SLC4A4: variants seen among roughly 807,000 people sequenced by gnomAD.
The protein encoded by SLC4A4 is solute carrier family 4 member 4, also known as electrogenic sodium bicarbonate cotransporter 1.
A neutral mutation model predicts 111.5 loss-of-function variants in SLC4A4; 27 were observed. The ratio of observed to expected loss-of-function variants is 0.24; its 90% CI spans 0.18 to 0.33. SLC4A4 has a LOEUF of 0.33. Among genes scored for constraint, SLC4A4 ranks in the 10% least tolerant of loss-of-function variants. The pLI, the probability that SLC4A4 is intolerant of heterozygous loss-of-function variation, is 1.00. For synonymous variants in SLC4A4, 443 were observed against 463.4 expected (o/e 0.96, Z 0.57); for missense variants, 909 against 1,315.5 (o/e 0.69, Z 4.78).
chr4:71,138,536 T>A (rs1284303426), intron 2 of SLC4A4, among the ~76,000 whole-genome samples: 1 of 152,224 alleles, frequency 6.6e-6, no homozygotes, highest in East Asian at 1.9e-4. Context: ...CATATTATCT[T>A]CAAGGATCTG....
At chr4:71,195,173 C>G (rs1400066144) in intron 1 of SLC4A4, among the ~76,000 whole-genome samples, 2 of 144,930 alleles carry the variant, frequency 1.4e-5, no homozygotes, top group African/African-American at 5.1e-5. Flanking sequence ...ATATAGAAAT[C>G]TAGTTAGATT....
At chr4:71,500,227 T>C (rs2149156083) in intron 16 of SLC4A4, among the ~76,000 whole-genome samples, 1 of 152,328 alleles carries the variant, frequency 6.6e-6, no homozygotes, top group South Asian at 2.1e-4. Flanking sequence ...TGTTTCTTCT[T>C]TTGCAAAACA....
At chr4:71,266,125 C>G (rs1326106381) in intron 3 of SLC4A4, among the ~76,000 whole-genome samples, 17 of 152,166 alleles carry the variant, frequency 1.1e-4, no homozygotes, top group Admixed American at 1.1e-3. Context: ...CAAGGCTGTC[C>G]TCTTGGTAGT....
At chr4:71,390,887 G>A (rs1560466021) in intron 6 of SLC4A4, among the ~76,000 whole-genome samples, 1 of 151,992 alleles carries the variant, frequency 6.6e-6, no homozygotes, top group East Asian at 1.9e-4. Flanking sequence ...AAGTTCATTT[G>A]TTTATTATCA....
Position 71,093,338 on chromosome 4 carries a change from T to C in SLC4A4, c.-2+546T>C, listed in dbSNP as rs562344707. On this transcript the variant is annotated intron_variant, in intron 2 of 26. Coordinates refer to the SLC4A4 transcript ENST00000649996. Reference sequence around the variant, plus strand: ...ATGCACCACCATTCCCAGCTAATTTTTGTATTTTCAGTAGAGACAGGGTTT... The same window carrying C: ...ATGCACCACCATTCCCAGCTAATTTCTGTATTTTCAGTAGAGACAGGGTTT... Among the ~76,000 whole-genome samples, 3 of 151,944 alleles carry C rather than the reference T, an allele frequency of 2.0e-5. No individual in the cohort carries two copies. The South Asian group carries it at 6.3e-4, about 32-fold the overall frequency.
At chr4:71,255,532 A>G in intron 3 of SLC4A4, 133 bp downstream of exon 3, 1 of 989,124 alleles carries the variant, frequency 1.0e-6, no homozygotes, top group Non-Finnish European at 1.6e-6. Context: ...GTTCTAAAGG[A>G]TAATGTCTGT....
chr4:71,521,472 A>G (rs1732928140), intron 16 of SLC4A4, among the ~76,000 whole-genome samples: 1 of 152,132 alleles, frequency 6.6e-6, no homozygotes, highest in South Asian at 2.1e-4. Context: ...AGGTTCAAAC[A>G]GTCGTCCTGC....
intron 16 of SLC4A4, among the ~76,000 whole-genome samples, chr4:71,504,910 T>G (rs925085284): frequency 7.2e-5 from 11 of 151,982 alleles, no homozygotes; most frequent in African/African-American, 2.7e-4. Flanking sequence ...CCCCAGAGTG[T>G]GTTGTTTTTC....
chr4:71,345,045 G>T (rs886583531), intron 4 of SLC4A4, among the ~76,000 whole-genome samples: 1 of 152,048 alleles, frequency 6.6e-6, no homozygotes, highest in African/African-American at 2.4e-5. Context: ...TCCCTTTTAC[G>T]TCCTTTACCT....
At chr4:71,111,524 G>GTTTTTTTTTTTTT (rs150777420) in intron 2 of SLC4A4, among the ~76,000 whole-genome samples, 2 of 60,782 alleles carry the variant, frequency 3.3e-5, no homozygotes, top group Admixed American at 2.8e-4. Context: ...CCACGCTCAG[G>GTTTTTTTTTTTTT]TTTTTTTTTT....
At chr4:71,100,586 G>T (rs1033309672) in intron 2 of SLC4A4, among the ~76,000 whole-genome samples, 3 of 152,244 alleles carry the variant, frequency 2.0e-5, no homozygotes, top group African/African-American at 7.2e-5. Flanking sequence ...AGTATTGTAA[G>T]GTCTGCCCAG....
At chr4:71,552,653 G>T (rs1736115725) in intron 20 of SLC4A4, among the ~76,000 whole-genome samples, 1 of 151,548 alleles carries the variant, frequency 6.6e-6, no homozygotes, top group South Asian at 2.1e-4. Context: ...TGCTTGTAGG[G>T]TCAATACTTG....
intron 2 of SLC4A4, among the ~76,000 whole-genome samples, chr4:71,095,706 C>T (rs1322085174): frequency 6.6e-6 from 1 of 152,088 alleles, no homozygotes; most frequent in Non-Finnish European, 1.5e-5. Flanking sequence ...GGTATGGCTC[C>T]TACTGTCATA....
At position 71,392,835 on chromosome 4, in the gene SLC4A4, A is replaced by G. The variant is rs1719439747; in HGVS notation, c.731-4742A>G. ...TCCACCATGATCAAGTGGGTTTCAT[A>G]CCAGGGATGCAGGGATGGTTTAACA... On this transcript the variant is annotated intron_variant, in intron 6 of 25. Coordinates refer to ENST00000264485, the MANE Select transcript of SLC4A4 (RefSeq NM_001098484.3). 2.0e-5 allele frequency among the ~76,000 whole-genome samples: 3 copies of G among 152,234 alleles called. No homozygotes were observed. The South Asian group carries it at 6.2e-4, about 32-fold the overall frequency.
intron 2 of SLC4A4, among the ~76,000 whole-genome samples, chr4:71,170,602 C>A (rs1199304648): frequency 2.6e-5 from 4 of 152,120 alleles, no homozygotes; most frequent in Non-Finnish European, 5.9e-5. Context: ...TTTATTCATT[C>A]AGCTTTTAGT....
At chr4:71,526,543 A>T (rs1408638178) in intron 16 of SLC4A4, among the ~76,000 whole-genome samples, 1 of 152,138 alleles carries the variant, frequency 6.6e-6, no homozygotes, top group Admixed American at 6.6e-5. Flanking sequence ...GCCATCACGT[A>T]TATACATATG....
intron 11 of SLC4A4, among the ~76,000 whole-genome samples, chr4:71,452,238 G>A (rs1249463124): frequency 6.6e-6 from 1 of 151,982 alleles, no homozygotes; most frequent in African/African-American, 2.4e-5. Context: ...CCTTTATTCT[G>A]AAAGGATAGA....
intron 1 of SLC4A4, among the ~76,000 whole-genome samples, chr4:71,199,364 G>A (rs1746147788): frequency 6.6e-6 from 1 of 152,186 alleles, no homozygotes; most frequent in African/African-American, 2.4e-5. Flanking sequence ...ACATGAAATT[G>A]GATGTTATTT....
At chr4:71,136,765 T>G (rs1662181804) in intron 2 of SLC4A4, among the ~76,000 whole-genome samples, 1 of 152,184 alleles carries the variant, frequency 6.6e-6, no homozygotes, top group Non-Finnish European at 1.5e-5. Context: ...CTAAATGAGA[T>G]GATGAGTCTG....
Sources: allele counts gnomAD v4.1 joint callset (sites outside exome capture counted in the v4.1 genomes callset), GRCh38; gene constraint gnomAD v4.1.1; transcripts MANE v1.5; gene names NCBI Gene and HGNC (gene_info 2026-07-23, HGNC 2026-07-21).